The following CNTNAP5 variants were observed in gnomAD, a reference collection of about 807,000 sequenced individuals.
CNTNAP5 encodes contactin-associated protein-like 5.
In CNTNAP5, 72 loss-of-function variants were observed where a neutral mutation model predicts 150.2. The observed-to-expected ratio is 0.48, with a 90% confidence interval of 0.40 to 0.58. CNTNAP5 has a LOEUF of 0.58. Among genes scored for constraint, CNTNAP5 ranks in the 20% least tolerant of loss-of-function variants. The pLI, the probability that CNTNAP5 is intolerant of heterozygous loss-of-function variation, is 0.00. For synonymous variants in CNTNAP5, 672 were observed against 619.8 expected, an observed-to-expected ratio of 1.08 and a Z score of -1.25; for missense variants, 1,636 against 1,626.2, an observed-to-expected ratio of 1.01 and a Z score of -0.10.
chr2:124,381,278 A>G (rs936018910), intron 3 of CNTNAP5, among the ~76,000 whole-genome samples: 31 of 152,144 alleles, frequency 2.0e-4, no homozygotes, highest in Non-Finnish European at 1.0e-4. Context: ...AATACTTTAC[A>G]TGGGGGAGTG....
intron 1 of CNTNAP5, among the ~76,000 whole-genome samples, chr2:124,165,833 A>C (rs1363761152): frequency 6.6e-6 from 1 of 152,170 alleles, no homozygotes; most frequent in Non-Finnish European, 1.5e-5. Flanking sequence ...CAGATTGCTG[A>C]CTTGGCTTTG....
chr2:124,221,020 C>T (rs1386633879), intron 1 of CNTNAP5, among the ~76,000 whole-genome samples: 1 of 152,094 alleles, frequency 6.6e-6, no homozygotes, highest in Non-Finnish European at 1.5e-5. Context: ...CACCCTGTCC[C>T]ACATTTGGGC....
chr2:124,839,888 A>G (rs1230711100), intron 19 of CNTNAP5, among the ~76,000 whole-genome samples: 1 of 152,166 alleles, frequency 6.6e-6, no homozygotes, highest in African/African-American at 2.4e-5. Flanking sequence ...AAACTCAATT[A>G]CATTTTATTT....
chr2:124,443,459 A>C (rs1195598930), intron 5 of CNTNAP5, among the ~76,000 whole-genome samples: 1 of 152,014 alleles, frequency 6.6e-6, no homozygotes, highest in Admixed American at 6.6e-5. Context: ...AAATGAGTAG[A>C]AATAAAGAAA....
intron 12 of CNTNAP5, among the ~76,000 whole-genome samples, chr2:124,632,067 G>T (rs1466312979): frequency 1.3e-5 from 2 of 151,898 alleles, no homozygotes; most frequent in African/African-American, 4.8e-5. Flanking sequence ...TGCTGGCGAG[G>T]TTGCAGAGAA....
intron 13 of CNTNAP5, among the ~76,000 whole-genome samples, chr2:124,674,517 T>TTC (rs1204672943): frequency 7.9e-6 from 1 of 127,000 alleles, no homozygotes. Flanking sequence ...TTCTCTTTCT[T>TTC]TCTTTCTTTC....
chr2:124,704,041 TA>T (rs1413472576), intron 13 of CNTNAP5, among the ~76,000 whole-genome samples: 1 of 152,242 alleles, frequency 6.6e-6, no homozygotes, highest in Non-Finnish European at 1.5e-5. Context: ...CAGCATTGCC[TA>T]TTAGGCTTTT....
At chr2:124,577,029 C>T (rs968815732) in intron 11 of CNTNAP5, among the ~76,000 whole-genome samples, 5 of 152,088 alleles carry the variant, frequency 3.3e-5, no homozygotes, top group South Asian at 2.1e-4. Flanking sequence ...GCTCTAGAAA[C>T]GGACTGATAA....
At chr2:124,062,122 G>C (rs944134164) in intron 1 of CNTNAP5, among the ~76,000 whole-genome samples, 9 of 152,004 alleles carry the variant, frequency 5.9e-5, no homozygotes, top group African/African-American at 1.9e-4. Context: ...TTTTATTACA[G>C]AATTAATTCT....
chr2:124,375,250 GA>G (rs76490001), intron 3 of CNTNAP5, among the ~76,000 whole-genome samples: 7,104 of 149,536 alleles, frequency 0.048, 501 homozygotes, highest in African/African-American at 0.15. Flanking sequence ...TAATTACAAA[GA>G]AAAAAAAACA....
intron 10 of CNTNAP5, among the ~76,000 whole-genome samples, chr2:124,559,171 T>G (rs1380337870): frequency 6.6e-6 from 1 of 152,218 alleles, no homozygotes; most frequent in Non-Finnish European, 1.5e-5. Context: ...ATCTATTACC[T>G]GGATTGTCAA....
In CNTNAP5 at chr2:124,054,388, G is replaced by A. The variant is rs139867853; in HGVS notation, c.82+28656G>A. ...TTTAAAAATTAGAGCTGATGCACTC[G>A]GATCCCTAGGCTCCTAGGGTCCTAT... On this transcript the variant is annotated intron_variant, in intron 1 of 23. Coordinates refer to ENST00000682447, the MANE Select transcript of CNTNAP5 (RefSeq NM_001367498.1). Among the ~76,000 whole-genome samples, 623 of 152,188 alleles carry A rather than the reference G, an allele frequency of 4.1e-3. 4 individuals are homozygous for A. The highest frequency in any genetic ancestry group is 0.013 in the African/African-American group (540 of 41,516).
chr2:124,046,433 G>GAAA (rs55954535), intron 1 of CNTNAP5, among the ~76,000 whole-genome samples: 32,895 of 134,070 alleles, frequency 0.25, 4,426 homozygotes, highest in East Asian at 0.42. Context: ...ACAAAAGAGA[G>GAAA]AAAAAAAAAA....
chr2:124,868,798 C>G (rs528109419), intron 20 of CNTNAP5, among the ~76,000 whole-genome samples: 1 of 152,152 alleles, frequency 6.6e-6, no homozygotes, highest in Admixed American at 6.5e-5. Flanking sequence ...CAAAGTCAGG[C>G]ACATGGCTAA....
At chr2:124,408,108 AAGAAAGG>A (rs1691629212) in intron 3 of CNTNAP5, among the ~76,000 whole-genome samples, 2 of 152,190 alleles carry the variant, frequency 1.3e-5, no homozygotes, top group South Asian at 2.1e-4. Context: ...TTCCGAGTCA[AAGAAAGG>A]GGTGACGGAA....
chr2:124,602,404 T>C (rs1697007961), intron 11 of CNTNAP5, among the ~76,000 whole-genome samples: 1 of 151,500 alleles, frequency 6.6e-6, no homozygotes, highest in Non-Finnish European at 1.5e-5. Context: ...GTATCCTTCA[T>C]TCAGGCTCAA....
At chr2:124,851,342 G>C (rs1025175715) in intron 19 of CNTNAP5, among the ~76,000 whole-genome samples, 3 of 152,138 alleles carry the variant, frequency 2.0e-5, no homozygotes, top group Non-Finnish European at 4.4e-5. Context: ...GGCAACAAAA[G>C]AGAAACTCCA....
chr2:124,127,165 G>T (rs565362613), intron 1 of CNTNAP5, among the ~76,000 whole-genome samples: 1 of 152,056 alleles, frequency 6.6e-6, no homozygotes, highest in Non-Finnish European at 1.5e-5. Context: ...AATCCCTATC[G>T]TCTCAGCCCA....
chr2:124,481,980 G>C (rs374719149), intron 7 of CNTNAP5, among the ~76,000 whole-genome samples: 2 of 152,260 alleles, frequency 1.3e-5, no homozygotes, highest in Middle Eastern at 3.4e-3. Context: ...TACAGGAGAC[G>C]GCTTATCCTG....
Sources: gnomAD v4.1 joint callset for allele counts (sites outside exome capture counted in the v4.1 genomes callset) on GRCh38, gnomAD v4.1.1 for gene constraint, MANE v1.5 for transcripts, NCBI Gene and HGNC (gene_info 2026-07-23, HGNC 2026-07-21) for gene names.